The following ARHGEF10L variants were observed in gnomAD, a reference collection of about 807,000 sequenced individuals.
ARHGEF10L encodes Rho guanine nucleotide exchange factor 10 like.
Under a neutral mutation model 141.2 loss-of-function variants are expected in ARHGEF10L, and 69 were observed. The ratio of observed to expected loss-of-function variants is 0.49; its 90% CI spans 0.40 to 0.60. ARHGEF10L has a LOEUF of 0.60. Ranked by LOEUF, ARHGEF10L falls within the 20% of genes least tolerant of loss-of-function variation. ARHGEF10L has a pLI of 0.00. For synonymous variants in ARHGEF10L, 711 were observed against 718.5 expected (o/e 0.99, Z 0.17); for missense variants, 1,482 against 1,734.3 (o/e 0.85, Z 2.58).
At chr1:17,687,235 G>A (rs896217377) in intron 26 of ARHGEF10L, among the ~76,000 whole-genome samples, 1 of 152,140 alleles carries the variant, frequency 6.6e-6, no homozygotes, top group South Asian at 2.1e-4. Flanking sequence ...CTGTCTGCTC[G>A]TGAGTGAGCG....
At chr1:17,535,498 G>T (rs555282979), upstream of ARHGEF10L, among the ~76,000 whole-genome samples, 1 of 152,290 alleles carries the variant, frequency 6.6e-6, no homozygotes, top group African/African-American at 2.4e-5. Context: ...GGGGCCCTGG[G>T]TCCCCATCTT....
At chr1:17,551,758 G>A (rs770592193) in intron 1 of ARHGEF10L, among the ~76,000 whole-genome samples, 3 of 152,206 alleles carry the variant, frequency 2.0e-5, no homozygotes, top group East Asian at 3.9e-4. Context: ...AAAGATTTCC[G>A]AGTCAGAGAG....
the ARHGEF10L span, among the ~76,000 whole-genome samples, chr1:17,530,974 C>T: frequency 6.6e-6 from 1 of 151,106 alleles, no homozygotes; most frequent in African/African-American, 2.4e-5. Flanking sequence ...CACTGCACTC[C>T]AGCCTGGGTG....
At position 17,654,779 on chromosome 1, in the gene ARHGEF10L, G is replaced by T. The variant is rs2062128966; in HGVS notation, c.2481+57G>T. 1.3e-6 allele frequency: 2 copies of T among 1,507,174 alleles called. No individual in the cohort carries two copies. Among genetic ancestry groups the T allele is most frequent in the South Asian group, 2.2e-5 (2 of 88,986 alleles). The allele number at this position is 1,507,174 out of a possible 1,614,324, so 93.4% of individuals were successfully genotyped here. On this transcript the variant is annotated intron_variant, in intron 23 of 28. Transcript: ENST00000361221. This position sits in a 1 kb window ranked among gnomAD's most constrained non-coding sequence, Gnocchi z 4.3. ...TGGCCTCAGGACAGGAGTAGGGAGA[G>T]CGGCACCTGGGAGGGGGTGCTGGAG...
rs757568156 is a variant in ARHGEF10L, at chr1:17,627,472, A to G, written c.1553A>G (p.Lys518Arg). The G allele has an allele frequency of 1.7e-5, 28 of 1,612,660 alleles. No homozygotes were observed. The highest frequency in any genetic ancestry group is 2.4e-5 in the Non-Finnish European group (28 of 1,180,010). ...GTGGCTGAGATCCAGCAGCTGACCA[A>G]GAGCGTCAGTGACCGCAGCAGCCTC... ...DQVAEIQQLT[K>R]SVSDRSSLNK... is the part of the protein sequence containing the mutation. Residue 518 changes from lysine (K) to arginine (R), a missense_variant, in exon 15 of 29, where the codon AAG (lysine) becomes AGG (arginine). By Grantham distance (26) the Lys-to-Arg change is conservative. Coordinates refer to ENST00000361221, the MANE Select transcript of ARHGEF10L (RefSeq NM_018125.4). The surrounding 1 kb of genome is among the most constrained non-coding windows in gnomAD (Gnocchi z 4.0).
At chr1:17,651,361 C>T (rs1048711754) in intron 22 of ARHGEF10L, among the ~76,000 whole-genome samples, 2 of 152,186 alleles carry the variant, frequency 1.3e-5, no homozygotes, top group Non-Finnish European at 2.9e-5. Context: ...GGGCCTTGGG[C>T]TGGAGGCAGC....
At chr1:17,542,669 C>A (rs367897041) in intron 1 of ARHGEF10L, among the ~76,000 whole-genome samples, 30 of 152,096 alleles carry the variant, frequency 2.0e-4, no homozygotes, top group East Asian at 1.2e-3. Context: ...AAGATAATAA[C>A]GTGGATTTAT....
At chr1:17,557,388 C>A (rs145531355) in intron 1 of ARHGEF10L, among the ~76,000 whole-genome samples, 7 of 151,804 alleles carry the variant, frequency 4.6e-5, no homozygotes, top group Non-Finnish European at 1.0e-4. Flanking sequence ...AAAGAAAATG[C>A]GTAGGAACAT....
intron 27 of ARHGEF10L, among the ~76,000 whole-genome samples, chr1:17,689,461 C>CT (rs2064886697): frequency 8.7e-6 from 1 of 114,708 alleles, no homozygotes; most frequent in Non-Finnish European, 1.8e-5. Flanking sequence ...CCCCCTCTCT[C>CT]CCTCCCTCCC....
chr1:17,586,435 T>C (rs1251623977), intron 2 of ARHGEF10L, among the ~76,000 whole-genome samples: 1 of 152,118 alleles, frequency 6.6e-6, no homozygotes, highest in Non-Finnish European at 1.5e-5. Flanking sequence ...AAACTGCCCG[T>C]TGGTTTTGCA....
intron 26 of ARHGEF10L, among the ~76,000 whole-genome samples, chr1:17,671,859 G>A (rs989603328): frequency 6.6e-6 from 1 of 152,220 alleles, no homozygotes; most frequent in Admixed American, 6.5e-5. Flanking sequence ...CATGGCCCAA[G>A]GCCAGGCCTG....
intron 25 of ARHGEF10L, among the ~76,000 whole-genome samples, chr1:17,662,640 G>A (rs1167063151): frequency 6.6e-6 from 1 of 152,066 alleles, no homozygotes; most frequent in Non-Finnish European, 1.5e-5. Context: ...AAAGAGGTGG[G>A]GAGGGAGGGA....
intron 1 of ARHGEF10L, among the ~76,000 whole-genome samples, chr1:17,547,224 C>T (rs1472600698): frequency 6.6e-6 from 1 of 152,230 alleles, no homozygotes; most frequent in Non-Finnish European, 1.5e-5. Flanking sequence ...TTCATCTTCC[C>T]ACTGGCCTGT....
At chr1:17,660,388 T>A in intron 25 of ARHGEF10L, among the ~76,000 whole-genome samples, 1 of 152,174 alleles carries the variant, frequency 6.6e-6, no homozygotes, top group East Asian at 1.9e-4. Context: ...TCCTCACCCG[T>A]GAAATGGGGG....
the ARHGEF10L span, among the ~76,000 whole-genome samples, chr1:17,517,932 G>A: frequency 1.3e-5 from 2 of 152,302 alleles, no homozygotes; most frequent in East Asian, 3.9e-4. Context: ...AAAAGTGTTG[G>A]AATTATAGGC....
At chr1:17,601,076 C>CA (rs2080635089) in intron 4 of ARHGEF10L, among the ~76,000 whole-genome samples, 1 of 128,836 alleles carries the variant, frequency 7.8e-6, no homozygotes, top group African/African-American at 3.2e-5. Context: ...AAACAAAAAA[C>CA]AAAAAACTCT....
chr1:17,638,111 T>C lies in ARHGEF10L; in HGVS notation c.2043+108T>C, dbSNP rs569109213. 6.5e-5 allele frequency: 64 copies of C among 988,220 alleles called. No homozygotes were observed. The South Asian group carries it at 1.0e-3, about 16-fold the overall frequency. The allele number at this position is 988,220 out of a possible 1,614,324, so 61.2% of individuals were successfully genotyped here. The stretch of plus-strand genomic sequence containing the variant: ...CTCCTCTCCTGGCCCATGTCCCCGA[T>C]GTGCTCCTAGCTTCTGAGCTCCTGT... On this transcript the variant is annotated intron_variant, in intron 19 of 28. Transcript: ENST00000361221.
At chr1:17,638,899 G>A (rs578103242) in intron 20 of ARHGEF10L, among the ~76,000 whole-genome samples, 1 of 152,374 alleles carries the variant, frequency 6.6e-6, no homozygotes, top group Non-Finnish European at 1.5e-5. Context: ...ATGAATTAAT[G>A]AACAGCCTGG....
intron 7 of ARHGEF10L, among the ~76,000 whole-genome samples, chr1:17,609,580 G>A (rs1007774132): frequency 6.6e-6 from 1 of 152,218 alleles, no homozygotes; most frequent in African/African-American, 2.4e-5. Flanking sequence ...ATCATGATCA[G>A]TGTGGTACAA....
Sources: gnomAD v4.1 joint callset for allele counts (sites outside exome capture counted in the v4.1 genomes callset) on GRCh38, gnomAD v4.1.1 for gene constraint, Gnocchi (gnomAD v3.1) non-coding constraint, MANE v1.5 for transcripts, NCBI Gene and HGNC (gene_info 2026-07-23, HGNC 2026-07-21) for gene names.